Variants in PPIG observed in about 807,000 individuals in gnomAD.
PPIG encodes peptidylprolyl isomerase G, also known as peptidyl-prolyl cis-trans isomerase G.
A neutral mutation model predicts 87.9 loss-of-function variants in PPIG; 26 were observed. The observed-to-expected ratio is 0.30, with a 90% CI of 0.22 to 0.41. The LOEUF (loss-of-function observed/expected upper bound fraction) is 0.41, where lower values mean the gene tolerates loss of function less well. PPIG is among the 10% of genes least tolerant of loss of function. The pLI is 1.00. For missense variants in PPIG, 722 were observed against 879.4 expected, an observed-to-expected ratio of 0.82 and a Z score of 2.26; for synonymous variants, 308 against 276.5, an observed-to-expected ratio of 1.11 and a Z score of -1.13.
chr2:169,619,746 GTTTTC>G (rs1444617820), intron 9 of PPIG, among the ~76,000 whole-genome samples: 3 of 150,244 alleles, frequency 2.0e-5, no homozygotes, highest in Admixed American at 6.6e-5. Flanking sequence ...CCTCTCCCTT[GTTTTC>G]TTTTTTTTTT....
At chr2:169,611,315 A>G (rs551337560) in intron 7 of PPIG, among the ~76,000 whole-genome samples, 3 of 152,356 alleles carry the variant, frequency 2.0e-5, no homozygotes, top group Non-Finnish European at 4.4e-5. Context: ...CTTTCTGTGC[A>G]TTAAAAATGT....
chr2:169,615,069 G>A (rs2592817), intron 9 of PPIG, among the ~76,000 whole-genome samples: 61,117 of 151,404 alleles, frequency 0.4, 12,963 homozygotes, highest in East Asian at 0.58. Flanking sequence ...TTTGTTTTGA[G>A]ACAGAGTCTC....
Position 169,636,106 on chromosome 2 carries a change from T to TTCCAGA in PPIG, c.1041_1046dup (p.Ser349_Arg350dup). On this transcript the variant is annotated inframe_insertion, in exon 13 of 14. Coordinates refer to ENST00000260970, the MANE Select transcript of PPIG (RefSeq NM_004792.3). Reference sequence around the variant, plus strand: ...ATTTTCTTTAGCGTTATCGAACTCCTTCCAGATCCAGATCAAGGGATCGTT... The same window carrying TTCCAGA: ...ATTTTCTTTAGCGTTATCGAACTCCTTCCAGATCCAGATCCAGATCAAGGGATCGTT... 6.2e-7 allele frequency: 1 copy of TTCCAGA among 1,603,528 alleles called. No individual in the cohort carries two copies. The highest frequency in any genetic ancestry group is 8.5e-7 in the Non-Finnish European group (1 of 1,176,220).
chr2:169,629,933 T>C (rs1434626986), intron 9 of PPIG, among the ~76,000 whole-genome samples: 1 of 152,172 alleles, frequency 6.6e-6, no homozygotes, highest in Admixed American at 6.5e-5. Flanking sequence ...TATAATCTGA[T>C]ATATCTCAAT....
rs1686258298 is a variant in PPIG at position 169,639,226 on chromosome 2, C to A, written c.*1703C>A. 6.6e-6 allele frequency: 1 copy of A among 151,882 alleles called. No homozygotes were observed. The highest frequency in any genetic ancestry group is 6.6e-5 in the Admixed American group (1 of 15,224). 9.4% of individuals were successfully genotyped at this position (151,882 alleles called of 1,614,324 possible). A position where few individuals can be genotyped will look rare whatever the true frequency, so the allele number is the denominator to read the frequency against. On this transcript the variant is annotated 3_prime_UTR_variant, in exon 14 of 14. Transcript: ENST00000260970. Reference sequence around the variant, plus strand: ...ATTATAAAATCCAAGGTGATTGATTCCTTAGAGACTGACCACAAACCCACA... The same window carrying A: ...ATTATAAAATCCAAGGTGATTGATTACTTAGAGACTGACCACAAACCCACA...
chr2:169,602,020 T>C (rs982836771), intron 1 of PPIG, among the ~76,000 whole-genome samples: 11 of 152,210 alleles, frequency 7.2e-5, no homozygotes, highest in African/African-American at 2.2e-4. Flanking sequence ...ATGTAAACTT[T>C]CTGAGCATCA....
At chr2:169,617,058 C>A (rs890745880) in intron 9 of PPIG, among the ~76,000 whole-genome samples, 1 of 152,078 alleles carries the variant, frequency 6.6e-6, no homozygotes, top group Admixed American at 6.6e-5. Flanking sequence ...AGGAAGGGGT[C>A]CAGTTTCAGT....
chr2:169,618,592 G>A (rs1350724872), intron 9 of PPIG, among the ~76,000 whole-genome samples: 2 of 152,200 alleles, frequency 1.3e-5, no homozygotes, highest in Non-Finnish European at 2.9e-5. Context: ...AAGGGTGTAT[G>A]TGTCTAGGAA....
rs563709247 is a variant in PPIG, at chr2:169,628,976, A to G, written c.548-1798A>G. On this transcript the variant is annotated intron_variant, in intron 9 of 13. Coordinates refer to ENST00000260970, the MANE Select transcript of PPIG (RefSeq NM_004792.3). ...AAAAAAAAAAAAAAAAAAGGCAAGG[A>G]TAAATTTTCCAAATACCAAATCTTC... Among the ~76,000 whole-genome samples the G allele has an allele frequency of 9.9e-4, 146 of 148,110 alleles. 1 individual carries two copies. Among genetic ancestry groups the G allele is most frequent in the African/African-American group, 3.2e-3 (129 of 39,848 alleles).
intron 9 of PPIG, among the ~76,000 whole-genome samples, chr2:169,627,704 CT>C (rs777197172): frequency 0.15 from 15,098 of 101,858 alleles, 977 homozygotes; most frequent in Middle Eastern, 0.29. Context: ...AGTGGGCTTG[CT>C]TTTTTTTTTT....
chr2:169,604,328 T>C, intron 4 of PPIG, 67 bp downstream of exon 4: 3 of 43,872 alleles, frequency 6.8e-5, no homozygotes, highest in Non-Finnish European at 1.1e-4. Context: ...GCTTGCTTGG[T>C]TTTTTTTTTT....
intron 1 of PPIG, among the ~76,000 whole-genome samples, chr2:169,594,123 C>T (rs1684948938): frequency 6.6e-6 from 1 of 151,998 alleles, no homozygotes; most frequent in South Asian, 2.1e-4. Flanking sequence ...TACCTGAAGG[C>T]TTTCTGAATT....
At chr2:169,622,473 T>C (rs1410832261) in intron 9 of PPIG, among the ~76,000 whole-genome samples, 2 of 152,230 alleles carry the variant, frequency 1.3e-5, no homozygotes, top group Non-Finnish European at 2.9e-5. Context: ...GCCCATGCCA[T>C]TGGGGCCAGG....
In PPIG at chr2:169,625,256, G is replaced by A. The variant is rs545060225; in HGVS notation, c.548-5518G>A. Among the ~76,000 whole-genome samples the A allele has an allele frequency of 2.0e-5, 3 of 152,168 alleles. No homozygotes were observed. The South Asian group carries it at 6.2e-4, about 32-fold the overall frequency. On this transcript the variant is annotated intron_variant, in intron 9 of 13. Transcript: ENST00000260970. Reference sequence around the variant, plus strand: ...AAAATTTAATACATTTATTTGGTTCGAAATTCAGAAAGTATAAAATGATAA... The same window carrying A: ...AAAATTTAATACATTTATTTGGTTCAAAATTCAGAAAGTATAAAATGATAA...
rs1686224654 is a variant in PPIG, at chr2:169,637,856, C to CA, written c.*335dup. ...TTTAGTCAGCCATTTGGAATGGTTG[C>CA]AATGCATTGTTGCAAAAGCTTGTGT... On this transcript the variant is annotated 3_prime_UTR_variant, in exon 14 of 14. Transcript: ENST00000260970. 5.8e-6 allele frequency: 1 copy of CA among 171,208 alleles called. No individual in the cohort carries two copies. The highest frequency in any genetic ancestry group is 2.4e-5 in the African/African-American group (1 of 42,122). 10.6% of individuals were successfully genotyped at this position (171,208 alleles called of 1,614,324 possible).
At chr2:169,602,903 G>A (rs1685224235) in intron 1 of PPIG, among the ~76,000 whole-genome samples, 1 of 152,150 alleles carries the variant, frequency 6.6e-6, no homozygotes. Context: ...AAATGATAAT[G>A]GTAAAGGTAA....
At chr2:169,617,610 T>G (rs1685637666) in intron 9 of PPIG, among the ~76,000 whole-genome samples, 1 of 152,216 alleles carries the variant, frequency 6.6e-6, no homozygotes, top group Non-Finnish European at 1.5e-5. Context: ...TTTTATTCTC[T>G]TTGTAGCAAT....
rs1686058552 is a variant in PPIG at position 169,631,767 on chromosome 2, G to A, written c.763G>A (p.Ala255Thr). 6.2e-7 allele frequency: 1 copy of A among 1,613,780 alleles called. No individual in the cohort carries two copies. ...KKKRKKSKKSASSESEAENLE... is the reference protein window; with the variant it reads ...KKKRKKSKKSTSSESEAENLE... ...TTTTGTGTGTTTCTGTCTGTTAAGT[G>A]CATCTAGTGAGAGTGAAGCTGAAAA... Residue 255 changes from alanine (A) to threonine (T), a missense_variant and splice_region_variant, in exon 11 of 14, where the codon GCA becomes ACA. Ala to Thr is a moderately conservative substitution (Grantham distance 58). Around this residue, in one of 4 missense-constraint regions of PPIG, gnomAD observed 142 missense variants for 152.8 expected, o/e 0.93. Coordinates refer to ENST00000260970, the MANE Select transcript of PPIG (RefSeq NM_004792.3).
At chr2:169,596,961 CA>C (rs1685036608) in intron 1 of PPIG, among the ~76,000 whole-genome samples, 1 of 152,156 alleles carries the variant, frequency 6.6e-6, no homozygotes, top group Non-Finnish European at 1.5e-5. Flanking sequence ...CTTCGCCTCC[CA>C]AAGTGCTGAG....
Sources: gnomAD v4.1 joint callset for allele counts (sites outside exome capture counted in the v4.1 genomes callset) on GRCh38, gnomAD v4.1.1 for gene constraint, gnomAD v4.1.1 regional missense constraint, MANE v1.5 for transcripts, NCBI Gene and HGNC (gene_info 2026-07-23, HGNC 2026-07-21) for gene names.